The following ADA variants were observed in gnomAD, a reference collection of about 807,000 sequenced individuals.
ADA encodes adenosine aminohydrolase.
A neutral mutation model predicts 49.0 loss-of-function variants in ADA; 45 were observed. That is an observed-to-expected ratio of 0.92 (90% CI 0.72 to 1.18). The LOEUF (loss-of-function observed/expected upper bound fraction) is 1.18. ADA is among the 50% of genes most tolerant of loss of function. ADA has a pLI of 0.00. For synonymous variants in ADA, 173 were observed against 184.2 expected, an observed-to-expected ratio of 0.94 and a Z score of 0.49; for missense variants, 445 against 472.5, an observed-to-expected ratio of 0.94 and a Z score of 0.54.
At chr20:44,636,176 G>A in intron 2 of ADA, 51 bp downstream of exon 2, 1 of 1,508,856 alleles carries the variant, frequency 6.6e-7, no homozygotes. Flanking sequence ...GGGTGGAGCT[G>A]GGGACCCCAC....
chr20:44,641,234 G>A (rs1240543725), intron 1 of ADA, among the ~76,000 whole-genome samples: 1 of 152,098 alleles, frequency 6.6e-6, no homozygotes, highest in Admixed American at 6.6e-5. Flanking sequence ...CCCATCTGAG[G>A]TCAATTAAAG....
At chr20:44,649,205 C>T (rs893665883) in intron 1 of ADA, among the ~76,000 whole-genome samples, 2 of 152,100 alleles carry the variant, frequency 1.3e-5, no homozygotes, top group African/African-American at 2.4e-5. Context: ...GTGTTTAGAA[C>T]GGTGCCTGGC....
chr20:44,630,357 G>GA (rs957157795), intron 2 of ADA, among the ~76,000 whole-genome samples: 33 of 137,392 alleles, frequency 2.4e-4, no homozygotes, highest in South Asian at 4.6e-4. Context: ...AAAAAAAAAA[G>GA]AAAAAAAAAA....
rs372131830 is a variant in ADA, at chr20:44,620,385, T to G, written c.992A>C (p.Lys331Thr). 27 of 1,614,054 alleles carry G rather than the reference T, an allele frequency of 1.7e-5. No homozygotes were observed. Among genetic ancestry groups the G allele is most frequent in the Non-Finnish European group, 2.3e-5 (27 of 1,180,030 alleles). ...TTCATCTTCTGGGAGGAAACTAGAT[T>G]TGGCCGCATTGATGTTCTGGAAAGG... Reference protein sequence around the residue: ...EFKRLNINAAKSSFLPEDEKR... With the variant: ...EFKRLNINAATSSFLPEDEKR... The change falls in exon 11 of 12, where the codon AAA becomes ACA. Residue 331 changes from lysine to threonine, a missense_variant. Coordinates refer to ENST00000372874, the MANE Select transcript of ADA (RefSeq NM_000022.4).
intron 2 of ADA, among the ~76,000 whole-genome samples, chr20:44,631,349 C>T (rs983628899): frequency 6.6e-6 from 1 of 152,140 alleles, no homozygotes; most frequent in Admixed American, 6.5e-5. Context: ...GGCATTGGCA[C>T]CTGGAGGTCG....
chr20:44,648,724 G>A (rs995603771), intron 1 of ADA, among the ~76,000 whole-genome samples: 3 of 151,944 alleles, frequency 2.0e-5, no homozygotes, highest in Non-Finnish European at 1.5e-5. Flanking sequence ...TAGGGGTCCC[G>A]CACAACAGAA....
intron 2 of ADA, among the ~76,000 whole-genome samples, chr20:44,632,589 A>C (rs1325310868): frequency 6.6e-6 from 1 of 152,126 alleles, no homozygotes; most frequent in African/African-American, 2.4e-5. Context: ...CTGGAGCCCA[A>C]AGTTGAAGCA....
At chr20:44,635,855 G>A (rs1471545537) in intron 2 of ADA, among the ~76,000 whole-genome samples, 1 of 151,992 alleles carries the variant, frequency 6.6e-6, no homozygotes, top group African/African-American at 2.4e-5. Flanking sequence ...CCGAGATCAT[G>A]CCACTGCACT....
At position 44,644,229 on chromosome 20, in the gene ADA, G is replaced by A. The variant is rs73615499; in HGVS notation, c.33+7346C>T. Among the ~76,000 whole-genome samples the A allele has an allele frequency of 2.4e-3, 369 of 151,922 alleles. 10 individuals carry two copies. In the East Asian group the frequency reaches 0.055, roughly 23 times the overall value. On this transcript the variant is annotated intron_variant, in intron 1 of 11. Transcript: ENST00000372874. ...AAACACATCGCTCTGTTTTGTTTTC[G>A]TCTGACTTTTTGGGTTCATGTATGT...
intron 3 of ADA, 138 bp downstream of exon 3, chr20:44,628,909 A>T: frequency 7.3e-7 from 1 of 1,367,470 alleles, no homozygotes; most frequent in Non-Finnish European, 1.0e-6. Flanking sequence ...GGAGAGACTC[A>T]CTAAGTGTAC....
chr20:44,641,268 G>A (rs1000232997), intron 1 of ADA, among the ~76,000 whole-genome samples: 2 of 152,154 alleles, frequency 1.3e-5, no homozygotes, highest in African/African-American at 4.8e-5. Flanking sequence ...GGCAGGCCCA[G>A]GTGGAGGACT....
At chr20:44,629,899 C>T (rs983388521) in intron 2 of ADA, among the ~76,000 whole-genome samples, 1 of 152,116 alleles carries the variant, frequency 6.6e-6, no homozygotes, top group Non-Finnish European at 1.5e-5. Context: ...AAGCAGGGTG[C>T]GAGCTCAGGG....
chr20:44,622,094 A>C (rs1243599292), intron 9 of ADA, among the ~76,000 whole-genome samples: 1 of 152,206 alleles, frequency 6.6e-6, no homozygotes, highest in Non-Finnish European at 1.5e-5. Flanking sequence ...GCTTGGCGAC[A>C]GGACGGAAGG....
At chr20:44,635,714 C>T (rs2065473545) in intron 2 of ADA, among the ~76,000 whole-genome samples, 1 of 152,110 alleles carries the variant, frequency 6.6e-6, no homozygotes, top group Non-Finnish European at 1.5e-5. Context: ...GCCTGGCCAA[C>T]ATGTGAAACC....
At chr20:44,650,248 G>C (rs2065631591) in intron 1 of ADA, among the ~76,000 whole-genome samples, 1 of 152,208 alleles carries the variant, frequency 6.6e-6, no homozygotes, top group Non-Finnish European at 1.5e-5. Context: ...ACGGGGAGTA[G>C]CTGAGCATTT....
chr20:44,626,702 T>C (rs1240613324), intron 3 of ADA, 103 bp from the exon 4 acceptor site: 2 of 1,430,380 alleles, frequency 1.4e-6, no homozygotes, highest in Admixed American at 1.8e-5. Context: ...ACCCACTTCA[T>C]CCCCCAGACC....
At chr20:44,625,249 G>A (rs922310792) in intron 5 of ADA, among the ~76,000 whole-genome samples, 9 of 152,168 alleles carry the variant, frequency 5.9e-5, no homozygotes, top group African/African-American at 1.9e-4. Flanking sequence ...TGGTCCACTG[G>A]GTCTCGAGGG....
chr20:44,645,125 G>A (rs1244295531), intron 1 of ADA, among the ~76,000 whole-genome samples: 1 of 152,082 alleles, frequency 6.6e-6, no homozygotes, highest in African/African-American at 2.4e-5. Flanking sequence ...GCTCACTCTT[G>A]AAATCCCAGC....
At chr20:44,632,545 C>T (rs1336302644) in intron 2 of ADA, among the ~76,000 whole-genome samples, 3 of 152,106 alleles carry the variant, frequency 2.0e-5, no homozygotes, top group South Asian at 4.1e-4. Flanking sequence ...CACAGCTTCC[C>T]GAAGCTGCTC....
Sources: gnomAD v4.1 joint callset for allele counts (sites outside exome capture counted in the v4.1 genomes callset) on GRCh38, gnomAD v4.1.1 for gene constraint, MANE v1.5 for transcripts, NCBI Gene and HGNC (gene_info 2026-07-23, HGNC 2026-07-21) for gene names.